The following PAPSS1 variants were observed in gnomAD, a reference collection of about 807,000 sequenced individuals.
PAPSS1 encodes the protein 3'-phosphoadenosine 5'-phosphosulfate synthase 1.
Under a neutral mutation model 72.0 loss-of-function variants are expected in PAPSS1, and 50 were observed. The observed-to-expected ratio is 0.69, with a 90% CI of 0.55 to 0.88. The LOEUF (loss-of-function observed/expected upper bound fraction) is 0.88, where lower values mean the gene tolerates loss of function less well. PAPSS1 is among the 40% of genes least tolerant of loss of function. The pLI is 0.00. For missense variants in PAPSS1, 657 were observed against 782.2 expected, an observed-to-expected ratio of 0.84 and a Z score of 1.91; for synonymous variants, 261 against 263.6, an observed-to-expected ratio of 0.99 and a Z score of 0.09.
chr4:107,614,504 T>A, intron 11 of PAPSS1, 117 bp from the exon 12 acceptor site: 1 of 685,006 alleles, frequency 1.5e-6, no homozygotes, highest in Non-Finnish European at 2.4e-6. Flanking sequence ...ATACTGAACA[T>A]AGTACTTGTG....
At chr4:107,661,185 C>T (rs1727171219) in intron 5 of PAPSS1, among the ~76,000 whole-genome samples, 1 of 152,078 alleles carries the variant, frequency 6.6e-6, no homozygotes, top group Non-Finnish European at 1.5e-5. Flanking sequence ...AGCCAAAATC[C>T]GAAACACTGA....
intron 9 of PAPSS1, among the ~76,000 whole-genome samples, chr4:107,653,155 T>C (rs1230022848): frequency 1.3e-5 from 2 of 151,302 alleles, no homozygotes; most frequent in African/African-American, 4.9e-5. Context: ...CTCTCTCATG[T>C]AAAACACTCT....
chr4:107,686,424 CT>C (rs1722789225), intron 4 of PAPSS1, among the ~76,000 whole-genome samples: 2 of 152,118 alleles, frequency 1.3e-5, no homozygotes. Flanking sequence ...GTTATTTATA[CT>C]ATTTTTAAAT....
chr4:107,648,391 T>C (rs1726748727), intron 9 of PAPSS1, among the ~76,000 whole-genome samples: 2 of 152,090 alleles, frequency 1.3e-5, no homozygotes, highest in Non-Finnish European at 2.9e-5. Context: ...CCAAGCTGAG[T>C]ATCCAAAGAC....
chr4:107,696,828 G>A (rs144771233), intron 2 of PAPSS1, among the ~76,000 whole-genome samples: 1 of 152,180 alleles, frequency 6.6e-6, no homozygotes, highest in Admixed American at 6.5e-5. Context: ...ATTAATGACT[G>A]TAGCCAGCTG....
chr4:107,716,391 A>T (rs768930103), intron 1 of PAPSS1, among the ~76,000 whole-genome samples: 3 of 152,240 alleles, frequency 2.0e-5, no homozygotes, highest in Non-Finnish European at 4.4e-5. Context: ...ATATGGACAG[A>T]AAGTTGGGCT....
Position 107,645,001 on chromosome 4 carries a change from T to C in PAPSS1, c.1307A>G (p.His436Arg). The change falls in exon 10 of 12, where the codon CAT (histidine) becomes CGT (arginine). Residue 436 changes from histidine to arginine, a missense_variant. His to Arg is a conservative substitution (Grantham distance 29). Around this residue, in one of 7 missense-constraint regions of PAPSS1, gnomAD observed 166 missense variants for 228.3 expected, o/e 0.73. Transcript: ENST00000265174. ...GTAGCCCCTCTCTAGAAGTTGCTTA[T>C]GGGTATCCTGCATTAACAGGGCATG... ...NGHALLMQDT[H>R]KQLLERGYRR... 6.2e-7 allele frequency: 1 copy of C among 1,611,904 alleles called. No individual in the cohort carries two copies. The highest frequency in any genetic ancestry group is 8.5e-7 in the Non-Finnish European group (1 of 1,178,732).
chr4:107,691,369 G>A (rs1160990929), intron 3 of PAPSS1, among the ~76,000 whole-genome samples: 2 of 152,296 alleles, frequency 1.3e-5, no homozygotes, highest in South Asian at 2.1e-4. Context: ...AGGAGGTTAA[G>A]TGTGCTGGAC....
intron 5 of PAPSS1, among the ~76,000 whole-genome samples, chr4:107,674,716 T>C (rs1391379602): frequency 6.6e-6 from 1 of 151,882 alleles, no homozygotes; most frequent in Non-Finnish European, 1.5e-5. Context: ...CCACCCCAAA[T>C]CAACAGAATA....
rs186511238 is a variant in PAPSS1 at position 107,650,044 on chromosome 4, C to T, written c.1237+3447G>A. On this transcript the variant is annotated intron_variant, in intron 9 of 11. Transcript: ENST00000265174. The stretch of plus-strand genomic sequence containing the variant: ...TCTAAGAACAGCCAAACTGATAGTG[C>T]TGTGCACAGGACAATAGCTCACATG... Among the ~76,000 whole-genome samples the T allele has an allele frequency of 1.7e-4, 26 of 152,306 alleles. No individual in the cohort carries two copies. In the East Asian group the frequency reaches 3.9e-3, roughly 23 times the overall value.
rs931420787 is a variant in PAPSS1 at position 107,678,648 on chromosome 4, C to T, written c.669+3367G>A. ...AAAGGCTGAGTGTAGACTAGTGTGA[C>T]AGGCTTAGTACAATGGGGGACCGGG... On this transcript the variant is annotated intron_variant, in intron 5 of 11. Coordinates refer to ENST00000265174, the MANE Select transcript of PAPSS1 (RefSeq NM_005443.5). 4.6e-5 allele frequency among the ~76,000 whole-genome samples: 7 copies of T among 152,082 alleles called. No individual in the cohort carries two copies. The South Asian group carries it at 1.5e-3, about 32-fold the overall frequency.
Position 107,631,721 on chromosome 4 carries a change from G to A in PAPSS1, c.1646C>T (p.Ala549Val). Residue 549 changes from alanine to valine, a missense_variant, in exon 11 of 12, where the codon GCC (alanine) becomes GTC (valine). Ala to Val is a moderately conservative substitution (Grantham distance 64). Coordinates refer to ENST00000265174, the MANE Select transcript of PAPSS1 (RefSeq NM_005443.5). Reference protein sequence around the residue: ...PSHGAKVLTMAPGLITLEIVP... With the variant: ...PSHGAKVLTMVPGLITLEIVP... ...TATTTCCAAAGTGATTAAACCAGGG[G>A]CCATCGTCAGCACTTTGGCACCATG... 2 of 1,614,056 alleles carry A rather than the reference G, an allele frequency of 1.2e-6. No homozygotes were observed. The highest frequency in any genetic ancestry group is 1.7e-6 in the Non-Finnish European group (2 of 1,179,970).
intron 5 of PAPSS1, among the ~76,000 whole-genome samples, chr4:107,672,140 C>T (rs1006342158): frequency 2.0e-5 from 3 of 152,260 alleles, no homozygotes; most frequent in Admixed American, 1.3e-4. Context: ...CCAGTGTGAG[C>T]GACGCAGAAG....
chr4:107,673,143 A>G (rs1578412539), intron 5 of PAPSS1, among the ~76,000 whole-genome samples: 1 of 152,298 alleles, frequency 6.6e-6, no homozygotes, highest in East Asian at 1.9e-4. Flanking sequence ...AAACTCTAAA[A>G]ATCAGAGCAC....
intron 11 of PAPSS1, among the ~76,000 whole-genome samples, chr4:107,623,043 TC>T (rs1315760134): frequency 2.0e-5 from 3 of 152,238 alleles, no homozygotes; most frequent in Non-Finnish European, 4.4e-5. Flanking sequence ...AGCCACTTCC[TC>T]CAGTCTGCCC....
At position 107,644,934 on chromosome 4, in the gene PAPSS1, T is replaced by A; in HGVS notation, c.1374A>T (p.Thr458=). The A allele has an allele frequency of 6.2e-7, 1 of 1,614,074 alleles. No individual in the cohort carries two copies. The highest frequency in any genetic ancestry group is 8.5e-7 in the Non-Finnish European group (1 of 1,179,956). Residue 458 remains threonine (T), a synonymous_variant, in exon 10 of 12, where the codon ACA becomes ACT. Coordinates refer to ENST00000265174, the MANE Select transcript of PAPSS1 (RefSeq NM_005443.5). Reference sequence around the variant, plus strand: ...ACATCAAAGGAACATCGTCATCCTTTGTCCAGCCACCCAGAGGGTGGAGGA... The same window carrying A: ...ACATCAAAGGAACATCGTCATCCTTAGTCCAGCCACCCAGAGGGTGGAGGA... ...VLLLHPLGGW[T]KDDDVPLMWR...
chr4:107,674,303 G>C (rs1316917609), intron 5 of PAPSS1, among the ~76,000 whole-genome samples: 3 of 152,136 alleles, frequency 2.0e-5, no homozygotes, highest in Non-Finnish European at 4.4e-5. Flanking sequence ...CACGTGCAGA[G>C]ACACACATAG....
Position 107,656,881 on chromosome 4 carries a change from T to C in PAPSS1, c.895+15A>G, listed in dbSNP as rs555771367. 33 of 1,474,730 alleles carry C rather than the reference T, an allele frequency of 2.2e-5. No homozygotes were observed. In the South Asian group the frequency reaches 3.2e-4, roughly 14 times the overall value. The allele number at this position is 1,474,730 out of a possible 1,614,324, so 91.4% of individuals were successfully genotyped here. On this transcript the variant is annotated intron_variant, in intron 7 of 11. Coordinates refer to ENST00000265174, the MANE Select transcript of PAPSS1 (RefSeq NM_005443.5). ...CTTCCACATACAATATAATTTTGAA[T>C]GTAAAATGTCTTACCATCCAGAAGA...
intron 1 of PAPSS1, among the ~76,000 whole-genome samples, chr4:107,713,050 G>A (rs547308167): frequency 2.4e-4 from 37 of 151,666 alleles, no homozygotes; most frequent in African/African-American, 7.5e-4. Flanking sequence ...TGGTTCAAGC[G>A]ATTCTCCTGC....
Sources: gnomAD v4.1 joint callset for allele counts (sites outside exome capture counted in the v4.1 genomes callset) on GRCh38, gnomAD v4.1.1 for gene constraint, gnomAD v4.1.1 regional missense constraint, MANE v1.5 for transcripts, NCBI Gene and HGNC (gene_info 2026-07-23, HGNC 2026-07-21) for gene names.